RSRC1: variants seen among roughly 807,000 people sequenced by gnomAD.
RSRC1 encodes serine/Arginine-related protein 53.
In RSRC1, 39 loss-of-function variants were observed where a neutral mutation model predicts 49.1. That is an observed-to-expected ratio of 0.79 (90% confidence interval 0.61 to 1.04). The LOEUF (loss-of-function observed/expected upper bound fraction) is 1.04. Among genes scored for constraint, RSRC1 ranks in the 50% least tolerant of loss-of-function variants. The pLI is 0.00. For missense variants in RSRC1, 388 were observed against 402.4 expected (o/e 0.96, Z 0.31); for synonymous variants, 143 against 130.8 (o/e 1.09, Z -0.63).
At chr3:158,395,752 G>C (rs1318494053) in intron 6 of RSRC1, among the ~76,000 whole-genome samples, 1 of 152,174 alleles carries the variant, frequency 6.6e-6, no homozygotes, top group East Asian at 1.9e-4. Flanking sequence ...TTCAGCCATT[G>C]TGAAAAGCAG....
intron 4 of RSRC1, among the ~76,000 whole-genome samples, chr3:158,254,533 G>A (rs1202670597): frequency 2.0e-5 from 3 of 152,016 alleles, no homozygotes; most frequent in Non-Finnish European, 2.9e-5. Flanking sequence ...CTGGGTTCAC[G>A]CCATTCTCCT....
chr3:158,136,458 G>A (rs1478526027), intron 3 of RSRC1, among the ~76,000 whole-genome samples: 1 of 152,066 alleles, frequency 6.6e-6, no homozygotes, highest in Non-Finnish European at 1.5e-5. Context: ...TTTGCACTGA[G>A]CTAAATTCTT....
intron 4 of RSRC1, among the ~76,000 whole-genome samples, chr3:158,239,779 G>T (rs1176215829): frequency 6.6e-6 from 1 of 151,954 alleles, no homozygotes; most frequent in Non-Finnish European, 1.5e-5. Flanking sequence ...TATATTCTGG[G>T]TTTAATTCTT....
intron 3 of RSRC1, among the ~76,000 whole-genome samples, chr3:158,149,757 A>T (rs1322419746): frequency 1.3e-5 from 2 of 152,182 alleles, no homozygotes; most frequent in African/African-American, 4.8e-5. Context: ...ATCAAAGACC[A>T]AGGGGGCATG....
intron 4 of RSRC1, among the ~76,000 whole-genome samples, chr3:158,204,117 T>TG (rs1357114076): frequency 6.6e-6 from 1 of 152,188 alleles, no homozygotes; most frequent in Admixed American, 6.5e-5. Flanking sequence ...TTTTCCATGT[T>TG]GAAGAGTTTA....
Position 158,505,261 on chromosome 3 carries a change from G to A in RSRC1, c.653-31831G>A, listed in dbSNP as rs548410626. On this transcript the variant is annotated intron_variant, in intron 7 of 9. Transcript: ENST00000611884. The stretch of plus-strand genomic sequence containing the variant: ...AGTAGTCTTCTGTGGGATTCATACT[G>A]CTTATAATTGTGATCCTTTCACCTA... Among the ~76,000 whole-genome samples the A allele has an allele frequency of 4.8e-4, 73 of 152,220 alleles. 6 individuals are homozygous for A. In the South Asian group the frequency reaches 0.015, roughly 31 times the overall value.
At chr3:158,227,072 G>A (rs1006245528) in intron 4 of RSRC1, among the ~76,000 whole-genome samples, 1 of 151,832 alleles carries the variant, frequency 6.6e-6, no homozygotes, top group African/African-American at 2.4e-5. Flanking sequence ...ATTTTGTTGG[G>A]TTGGTTTAGC....
rs533480624 is a variant in RSRC1 at position 158,341,108 on chromosome 3, A to G, written c.532-13749A>G. 2.0e-4 allele frequency among the ~76,000 whole-genome samples: 31 copies of G among 152,338 alleles called. No homozygotes were observed. In the East Asian group the frequency reaches 4.2e-3, roughly 21 times the overall value. On this transcript the variant is annotated intron_variant, in intron 5 of 9. Transcript: ENST00000611884. ...ATTGTTAAAGGCATTCAGTCTTAAA[A>G]GAGAAACAGAGCATAAAAGTTCAGA...
chr3:158,530,250 G>C (rs531374428), intron 7 of RSRC1, among the ~76,000 whole-genome samples: 43 of 151,980 alleles, frequency 2.8e-4, no homozygotes, highest in African/African-American at 1.0e-3. Flanking sequence ...TGTGCTTCCT[G>C]TATCTGCTAC....
At chr3:158,256,140 G>T (rs146733893) in intron 4 of RSRC1, among the ~76,000 whole-genome samples, 1 of 151,996 alleles carries the variant, frequency 6.6e-6, no homozygotes, top group Non-Finnish European at 1.5e-5. Flanking sequence ...GTCTTGTGCC[G>T]GTTTTCAGAG....
intron 3 of RSRC1, among the ~76,000 whole-genome samples, chr3:158,153,247 T>G (rs1717662923): frequency 6.6e-6 from 1 of 152,180 alleles, no homozygotes; most frequent in Non-Finnish European, 1.5e-5. Context: ...CTCTTAACCA[T>G]CAAAGTGATC....
At chr3:158,382,359 G>A (rs189599669) in intron 6 of RSRC1, among the ~76,000 whole-genome samples, 4 of 152,120 alleles carry the variant, frequency 2.6e-5, no homozygotes, top group East Asian at 1.9e-4. Flanking sequence ...AAAAAGTATA[G>A]TACTGTGAAT....
chr3:158,292,191 A>G (rs1302546780), intron 4 of RSRC1, among the ~76,000 whole-genome samples: 2 of 152,190 alleles, frequency 1.3e-5, no homozygotes, highest in East Asian at 3.8e-4. Context: ...CAACATCACT[A>G]TCTGTGCTGC....
intron 3 of RSRC1, among the ~76,000 whole-genome samples, chr3:158,198,922 G>T (rs571785938): frequency 6.6e-6 from 1 of 152,168 alleles, no homozygotes; most frequent in South Asian, 2.1e-4. Flanking sequence ...TATTACTGCT[G>T]CTGAAAGCCA....
intron 5 of RSRC1, among the ~76,000 whole-genome samples, chr3:158,330,593 C>T (rs565879018): frequency 2.2e-4 from 33 of 152,066 alleles, no homozygotes; most frequent in African/African-American, 7.0e-4. Flanking sequence ...CTAACTAGTT[C>T]TTTATTGTTG....
chr3:158,129,862 G>A (rs1460128327), intron 3 of RSRC1, among the ~76,000 whole-genome samples: 2 of 152,148 alleles, frequency 1.3e-5, no homozygotes, highest in Non-Finnish European at 2.9e-5. Flanking sequence ...TGAATCAGTA[G>A]AATAGGAGTA....
At chr3:158,463,405 G>T (rs183150329) in intron 7 of RSRC1, among the ~76,000 whole-genome samples, 16 of 152,086 alleles carry the variant, frequency 1.1e-4, no homozygotes, top group African/African-American at 3.1e-4. Context: ...TAGTCTAACT[G>T]CAAATTGAAA....
chr3:158,196,530 A>G (rs1559938185), intron 3 of RSRC1, among the ~76,000 whole-genome samples: 1 of 152,108 alleles, frequency 6.6e-6, no homozygotes, highest in Non-Finnish European at 1.5e-5. Flanking sequence ...AGAACTTCTA[A>G]CACTATGTTG....
At chr3:158,378,267 CATGTT>C (rs1377483439) in intron 6 of RSRC1, among the ~76,000 whole-genome samples, 1 of 152,020 alleles carries the variant, frequency 6.6e-6, no homozygotes, top group African/African-American at 2.4e-5. Context: ...GTTTTATTCT[CATGTT>C]GGGTGGGACC....
Sources: allele counts gnomAD v4.1 joint callset (sites outside exome capture counted in the v4.1 genomes callset), GRCh38; gene constraint gnomAD v4.1.1; transcripts MANE v1.5; gene names NCBI Gene and HGNC (gene_info 2026-07-23, HGNC 2026-07-21).